Variants in STPG2 observed in about 807,000 individuals in gnomAD.
The protein encoded by STPG2 is sperm tail PG-rich repeat containing 2, also known as sperm-tail PG-rich repeat-containing protein 2.
STPG2 carries 56 observed loss-of-function variants against 54.2 expected under a neutral mutation model. The ratio of observed to expected loss-of-function variants is 1.03; its 90% CI spans 0.83 to 1.29. The LOEUF is 1.29. Among genes scored for constraint, STPG2 ranks in the 50% most tolerant of loss-of-function variants. STPG2 has a pLI of 0.00. For missense variants in STPG2, 596 were observed against 544.9 expected (o/e 1.09, Z -0.93); for synonymous variants, 200 against 181.8 (o/e 1.10, Z -0.81).
At chr4:97,455,058 GA>G (rs202107638) in intron 4 of STPG2, among the ~76,000 whole-genome samples, 13 of 151,166 alleles carry the variant, frequency 8.6e-5, no homozygotes, top group South Asian at 8.4e-4. Flanking sequence ...CAGATTGATA[GA>G]AAAAAAAATC....
intron 10 of STPG2, among the ~76,000 whole-genome samples, chr4:97,597,356 C>A (rs149256157): frequency 6.6e-6 from 1 of 151,810 alleles, no homozygotes. Flanking sequence ...CCATTCCTAC[C>A]GAAACTATTC....
chr4:97,702,748 G>T (rs1723814676), intron 10 of STPG2, among the ~76,000 whole-genome samples: 1 of 152,068 alleles, frequency 6.6e-6, no homozygotes, highest in South Asian at 2.1e-4. Flanking sequence ...CTTCATCAGG[G>T]TCCTCCCACA....
At chr4:98,103,080 T>C (rs1298534329) in intron 5 of STPG2, among the ~76,000 whole-genome samples, 1 of 150,360 alleles carries the variant, frequency 6.7e-6, no homozygotes, top group Non-Finnish European at 1.5e-5. Context: ...TATAAAGCCT[T>C]GTTCTTGTCC....
At chr4:97,856,947 T>G (rs908249732) in intron 8 of STPG2, among the ~76,000 whole-genome samples, 1 of 152,202 alleles carries the variant, frequency 6.6e-6, no homozygotes, top group African/African-American at 2.4e-5. Context: ...TCTCTTTATG[T>G]GATGAATCAC....
At chr4:97,514,362 G>A (rs1391720147) in intron 4 of STPG2, among the ~76,000 whole-genome samples, 1 of 152,086 alleles carries the variant, frequency 6.6e-6, no homozygotes, top group Non-Finnish European at 1.5e-5. Context: ...GTGAGAACCT[G>A]GAGGGGGATC....
intron 3 of STPG2, 102 bp downstream of exon 3, chr4:98,128,326 G>A: frequency 1.8e-6 from 2 of 1,110,286 alleles, no homozygotes; most frequent in Non-Finnish European, 2.4e-6. Flanking sequence ...ACTAAAACGT[G>A]TAATCATTTT....
chr4:97,753,250 A>T (rs1385446873), intron 9 of STPG2, among the ~76,000 whole-genome samples: 9 of 151,924 alleles, frequency 5.9e-5, no homozygotes, highest in Non-Finnish European at 1.0e-4. Context: ...TCTCCTCCTC[A>T]GACCCTGGCA....
chr4:97,564,690 T>C (rs1289856261), intron 10 of STPG2, among the ~76,000 whole-genome samples: 4 of 152,312 alleles, frequency 2.6e-5, no homozygotes, highest in Admixed American at 2.6e-4. Context: ...CCTTCACTTA[T>C]GAAGCTTAGT....
chr4:97,513,714 A>G (rs1184568621), intron 4 of STPG2, among the ~76,000 whole-genome samples: 1 of 152,158 alleles, frequency 6.6e-6, no homozygotes, highest in African/African-American at 2.4e-5. Context: ...AGTGGATATG[A>G]TTATCATCTT....
chr4:97,506,136 C>T lies in STPG2; in HGVS notation c.462+206563G>A, dbSNP rs528352928. Among the ~76,000 whole-genome samples the T allele has an allele frequency of 1.0e-4, 15 of 149,440 alleles. No individual in the cohort carries two copies. In the South Asian group the frequency reaches 3.1e-3, roughly 31 times the overall value. ...GTTTACAAAAACTGCAAACTCACTT[C>T]AAGACAGCTTAGACACTGACTGGAT... On this transcript the variant is annotated intron_variant, in intron 4 of 4. Coordinates refer to the STPG2 transcript ENST00000522676.
intron 3 of STPG2, among the ~76,000 whole-genome samples, chr4:98,122,403 T>C (rs954721035): frequency 6.6e-6 from 1 of 152,238 alleles, no homozygotes; most frequent in African/African-American, 2.4e-5. Context: ...GTTTTTAACA[T>C]GAAAGGATGT....
intron 4 of STPG2, among the ~76,000 whole-genome samples, chr4:97,460,921 A>C (rs2148807612): frequency 6.6e-6 from 1 of 152,328 alleles, no homozygotes; most frequent in East Asian, 1.9e-4. Flanking sequence ...TGCTTGTAAT[A>C]TGGATCCATG....
intron 8 of STPG2, among the ~76,000 whole-genome samples, chr4:97,924,150 C>G (rs1465621057): frequency 6.6e-6 from 1 of 152,146 alleles, no homozygotes; most frequent in East Asian, 1.9e-4. Context: ...AGACCACGAA[C>G]CCACCAGAAG....
intron 10 of STPG2, among the ~76,000 whole-genome samples, chr4:97,573,427 A>G (rs1025999496): frequency 9.2e-5 from 14 of 152,042 alleles, no homozygotes; most frequent in Admixed American, 4.6e-4. Context: ...GATAGCTTTA[A>G]ATCACCATGT....
At chr4:98,064,568 T>C (rs1349025905) in intron 5 of STPG2, among the ~76,000 whole-genome samples, 1 of 152,230 alleles carries the variant, frequency 6.6e-6, no homozygotes, top group Admixed American at 6.5e-5. Flanking sequence ...CACATCATCT[T>C]GTTTAAAACT....
chr4:97,857,644 T>C (rs776322339), intron 8 of STPG2, among the ~76,000 whole-genome samples: 9 of 152,060 alleles, frequency 5.9e-5, no homozygotes, highest in Non-Finnish European at 1.0e-4. Flanking sequence ...TTCATGTCTC[T>C]ATCTCCTTCA....
At chr4:98,114,765 TTGTG>T (rs1201249521) in intron 3 of STPG2, among the ~76,000 whole-genome samples, 1 of 148,778 alleles carries the variant, frequency 6.7e-6, no homozygotes, top group Admixed American at 6.8e-5. Flanking sequence ...TTTTTTTTTT[TTGTG>T]TGTGTGTGTG....
At chr4:97,594,476 C>T (rs1733229500) in intron 10 of STPG2, among the ~76,000 whole-genome samples, 1 of 152,096 alleles carries the variant, frequency 6.6e-6, no homozygotes, top group Non-Finnish European at 1.5e-5. Flanking sequence ...AAGAATGAAA[C>T]CTCTGGCAAA....
At chr4:97,825,870 T>G (rs987612730) in intron 9 of STPG2, among the ~76,000 whole-genome samples, 1 of 152,212 alleles carries the variant, frequency 6.6e-6, no homozygotes, top group Non-Finnish European at 1.5e-5. Flanking sequence ...TTTTAAAGAT[T>G]ATTGGTAAAA....
Sources: gnomAD v4.1 joint callset for allele counts (sites outside exome capture counted in the v4.1 genomes callset) on GRCh38, gnomAD v4.1.1 for gene constraint, MANE v1.5 for transcripts, NCBI Gene and HGNC (gene_info 2026-07-23, HGNC 2026-07-21) for gene names.